Variants in MCC observed in about 807,000 individuals in gnomAD.
MCC encodes the protein colorectal mutant cancer protein.
In MCC, 90 loss-of-function variants were observed where a neutral mutation model predicts 116.2. The ratio of observed to expected loss-of-function variants is 0.77; its 90% confidence interval spans 0.65 to 0.92. MCC has a LOEUF of 0.92. MCC is among the 40% of genes least tolerant of loss of function. The pLI, the probability that MCC is intolerant of heterozygous loss-of-function variation, is 0.00. For missense variants in MCC, 1,516 were observed against 1,312.2 expected (o/e 1.16, Z -2.40); for synonymous variants, 578 against 510.5 (o/e 1.13, Z -1.78).
chr5:113,279,712 T>A (rs906116899), intron 3 of MCC, among the ~76,000 whole-genome samples: 2 of 152,172 alleles, frequency 1.3e-5, no homozygotes, highest in East Asian at 3.8e-4. Context: ...TCTCACAAGC[T>A]CTTACGAATT....
At chr5:113,468,673 G>A (rs1490324639) in intron 1 of MCC, among the ~76,000 whole-genome samples, 2 of 152,160 alleles carry the variant, frequency 1.3e-5, no homozygotes, top group African/African-American at 4.8e-5. Flanking sequence ...CCCGGCTTTG[G>A]TATCAAGATG....
chr5:113,096,983 G>T (rs10077067), intron 8 of MCC, among the ~76,000 whole-genome samples: 26,617 of 152,064 alleles, frequency 0.18, 2,384 homozygotes, highest in East Asian at 0.26. Flanking sequence ...GAGAGGAGCG[G>T]TGTTGAGACA....
chr5:113,472,478 C>G (rs1382495143), intron 1 of MCC, among the ~76,000 whole-genome samples: 2 of 152,312 alleles, frequency 1.3e-5, no homozygotes, highest in East Asian at 3.9e-4. Context: ...ACAAAATACT[C>G]CTTAAGGTCA....
chr5:113,350,430 A>G (rs1037173801), intron 2 of MCC, among the ~76,000 whole-genome samples: 3 of 152,184 alleles, frequency 2.0e-5, no homozygotes, highest in East Asian at 3.8e-4. Context: ...GGTGTCAAGA[A>G]CATACATTAA....
chr5:113,170,133 G>A (rs1480925656), intron 3 of MCC, among the ~76,000 whole-genome samples: 2 of 152,112 alleles, frequency 1.3e-5, no homozygotes, highest in African/African-American at 2.4e-5. Flanking sequence ...CAAAGTCATG[G>A]GCAGGTCTGG....
rs568715339 is a variant in MCC, at chr5:113,434,499, C to A, written c.171-49287G>T. On this transcript the variant is annotated intron_variant, in intron 1 of 18. Transcript: ENST00000408903. This position sits in a 1 kb window ranked among gnomAD's most constrained non-coding sequence, Gnocchi z 4.2. Reference sequence around the variant, plus strand: ...CAAGGAAAGCTGGTGGAACTTCTTGCGAGCTTCGTCCTCATGCAGGGCTCC... The same window carrying A: ...CAAGGAAAGCTGGTGGAACTTCTTGAGAGCTTCGTCCTCATGCAGGGCTCC... 1 of 1,612,912 alleles carries A rather than the reference C, an allele frequency of 6.2e-7. No individual in the cohort carries two copies.
chr5:113,261,810 T>C (rs916035456), intron 3 of MCC, among the ~76,000 whole-genome samples: 3 of 152,208 alleles, frequency 2.0e-5, no homozygotes, highest in East Asian at 3.8e-4. Flanking sequence ...CCGTTTGAGA[T>C]GCTGACAGAA....
intron 1 of MCC, among the ~76,000 whole-genome samples, chr5:113,394,068 A>G (rs1420954399): frequency 6.6e-6 from 1 of 152,148 alleles, no homozygotes; most frequent in Non-Finnish European, 1.5e-5. Context: ...TGACTGTCAT[A>G]TATTTATCTT....
intron 1 of MCC, among the ~76,000 whole-genome samples, chr5:113,396,403 G>A (rs1020849950): frequency 6.6e-6 from 1 of 151,938 alleles, no homozygotes; most frequent in Non-Finnish European, 1.5e-5. Flanking sequence ...AGCCCAAGGC[G>A]GGCAGATCAT....
intron 3 of MCC, among the ~76,000 whole-genome samples, chr5:113,218,706 T>C (rs537127449): frequency 2.6e-5 from 4 of 152,330 alleles, no homozygotes; most frequent in Non-Finnish European, 5.9e-5. Context: ...AATATAAATA[T>C]CCTCTCAGGC....
chr5:113,041,759 C>T, intron 17 of MCC, among the ~76,000 whole-genome samples: 1 of 152,162 alleles, frequency 6.6e-6, no homozygotes, highest in Non-Finnish European at 1.5e-5. Context: ...CACTGTGAGG[C>T]CAAGGCGGTT....
At chr5:113,191,129 TCTCAAG>T (rs1299819469) in intron 3 of MCC, among the ~76,000 whole-genome samples, 1 of 152,170 alleles carries the variant, frequency 6.6e-6, no homozygotes, top group Admixed American at 6.5e-5. Context: ...ACATTCAAGT[TCTCAAG>T]CATCACCGAG....
At chr5:113,106,758 T>C (rs12518352) in intron 6 of MCC, among the ~76,000 whole-genome samples, 22,527 of 152,176 alleles carry the variant, frequency 0.15, 2,617 homozygotes, top group African/African-American at 0.31. Context: ...ACAGGGTCTA[T>C]GTTGCCTGTC....
At chr5:113,079,419 C>T (rs150468816) in intron 11 of MCC, among the ~76,000 whole-genome samples, 17,041 of 152,088 alleles carry the variant, frequency 0.11, 2,347 homozygotes, top group African/African-American at 0.33. Context: ...ACTACAAGGC[C>T]ACAGTAACCA....
rs1171958532 is a variant in MCC, at chr5:113,224,787, A to G, written c.628-73365T>C. 4.6e-5 allele frequency among the ~76,000 whole-genome samples: 7 copies of G among 152,308 alleles called. No homozygotes were observed. The South Asian group carries it at 8.3e-4, about 18-fold the overall frequency. On this transcript the variant is annotated intron_variant, in intron 3 of 18. Coordinates refer to ENST00000408903, the MANE Select transcript of MCC (RefSeq NM_001085377.2). ...TCAAATCTTTTACAGATGCAACAAGATAAGTCTAAGTTCACACTCCTGTTC... is the reference window on the plus strand; with the variant it reads ...TCAAATCTTTTACAGATGCAACAAGGTAAGTCTAAGTTCACACTCCTGTTC...
At chr5:113,458,359 G>A (rs1024876589) in intron 1 of MCC, among the ~76,000 whole-genome samples, 1 of 151,804 alleles carries the variant, frequency 6.6e-6, no homozygotes, top group Non-Finnish European at 1.5e-5. Flanking sequence ...CACTCATGGC[G>A]AAGGTCTGCA....
intron 14 of MCC, among the ~76,000 whole-genome samples, chr5:113,058,024 T>C (rs1453352508): frequency 6.6e-6 from 1 of 152,208 alleles, no homozygotes; most frequent in Admixed American, 6.5e-5. Flanking sequence ...TGGGGTTTAC[T>C]TACACCTCTA....
chr5:113,061,161 A>C (rs965656674), intron 14 of MCC, among the ~76,000 whole-genome samples: 2 of 152,226 alleles, frequency 1.3e-5, no homozygotes, highest in African/African-American at 4.8e-5. Flanking sequence ...CACAGGCAGC[A>C]CCCTGGCTAC....
intron 3 of MCC, among the ~76,000 whole-genome samples, chr5:113,225,626 T>C (rs575027419): frequency 1.1e-4 from 17 of 152,150 alleles, no homozygotes; most frequent in Non-Finnish European, 2.4e-4. Context: ...TCCTTGATCT[T>C]CTAACACAAT....
Sources: allele counts gnomAD v4.1 joint callset (sites outside exome capture counted in the v4.1 genomes callset), GRCh38; gene constraint gnomAD v4.1.1; non-coding constraint Gnocchi (gnomAD v3.1); transcripts MANE v1.5; gene names NCBI Gene and HGNC (gene_info 2026-07-23, HGNC 2026-07-21).